Variants in MGAT5 observed in about 807,000 individuals in gnomAD.
The protein encoded by MGAT5 is alpha-1,6-mannosylglycoprotein 6-beta-N-acetylglucosaminyltransferase, also known as alpha-1,6-mannosylglycoprotein 6-beta-N-acetylglucosaminyltransferase A.
Under a neutral mutation model 94.3 loss-of-function variants are expected in MGAT5, and 30 were observed. The ratio of observed to expected loss-of-function variants is 0.32; its 90% confidence interval spans 0.24 to 0.43. The LOEUF (loss-of-function observed/expected upper bound fraction) is 0.43, where lower values mean the gene tolerates loss of function less well. Among genes scored for constraint, MGAT5 ranks in the 20% least tolerant of loss-of-function variants. MGAT5 has a pLI of 1.00. For synonymous variants in MGAT5, 310 were observed against 322.9 expected (o/e 0.96, Z 0.43); for missense variants, 691 against 905.5 (o/e 0.76, Z 3.04).
intron 1 of MGAT5, among the ~76,000 whole-genome samples, chr2:134,144,941 G>C (rs151257775): frequency 1.3e-5 from 2 of 152,176 alleles, no homozygotes; most frequent in African/African-American, 2.4e-5. Flanking sequence ...ATGAGGTCAC[G>C]CTGGCCTGCT....
intron 15 of MGAT5, among the ~76,000 whole-genome samples, chr2:134,442,957 T>G (rs1247503299): frequency 6.6e-6 from 1 of 152,056 alleles, no homozygotes; most frequent in Non-Finnish European, 1.5e-5. Context: ...GGAAGTGGAG[T>G]GGACCTGGGG....
intron 4 of MGAT5, among the ~76,000 whole-genome samples, chr2:134,331,933 A>G (rs1276868814): frequency 2.6e-5 from 4 of 151,786 alleles, no homozygotes; most frequent in African/African-American, 9.7e-5. Context: ...AACAAATGGA[A>G]GAACATTCCA....
intron 2 of MGAT5, among the ~76,000 whole-genome samples, chr2:134,294,296 T>A (rs1685544186): frequency 6.6e-6 from 1 of 152,216 alleles, no homozygotes. Context: ...TCAGTGTTTT[T>A]ATTTTTATTT....
chr2:134,445,716 A>AAG (rs1207159682), intron 15 of MGAT5, among the ~76,000 whole-genome samples: 1 of 152,316 alleles, frequency 6.6e-6, no homozygotes, highest in Admixed American at 6.5e-5. Flanking sequence ...AAAGGAAAGG[A>AAG]AGATGGCACA....
intron 2 of MGAT5, among the ~76,000 whole-genome samples, chr2:134,314,369 G>A (rs1161448279): frequency 1.3e-5 from 2 of 152,204 alleles, no homozygotes; most frequent in African/African-American, 4.8e-5. Flanking sequence ...AAGAGGAAAG[G>A]CCCTGGCCTG....
At chr2:134,190,712 A>G (rs866634993) in intron 1 of MGAT5, among the ~76,000 whole-genome samples, 16 of 152,080 alleles carry the variant, frequency 1.1e-4, no homozygotes, top group Admixed American at 7.2e-4. Context: ...GGCATGATCC[A>G]TGGAACACTG....
At chr2:134,353,720 C>A (rs923307786) in intron 9 of MGAT5, among the ~76,000 whole-genome samples, 1 of 152,120 alleles carries the variant, frequency 6.6e-6, no homozygotes, top group African/African-American at 2.4e-5. Context: ...GACAGCAGAG[C>A]AAAACAGTCA....
intron 14 of MGAT5, among the ~76,000 whole-genome samples, chr2:134,434,716 G>A (rs1685075044): frequency 6.6e-6 from 1 of 152,060 alleles, no homozygotes; most frequent in African/African-American, 2.4e-5. Context: ...CTATCTCCTG[G>A]AAGCCTTCTC....
intron 2 of MGAT5, among the ~76,000 whole-genome samples, chr2:134,317,035 C>T (rs565610643): frequency 6.6e-6 from 1 of 151,456 alleles, no homozygotes; most frequent in Non-Finnish European, 1.5e-5. Context: ...GGTGTAGATA[C>T]GTCTCATGGC....
At chr2:134,165,188 A>G (rs1487929903) in intron 1 of MGAT5, among the ~76,000 whole-genome samples, 1 of 152,236 alleles carries the variant, frequency 6.6e-6, no homozygotes, top group South Asian at 2.1e-4. Context: ...ACCACACGTC[A>G]TAAGTGGCTT....
chr2:134,298,512 AG>A (rs1443267308), intron 2 of MGAT5, among the ~76,000 whole-genome samples: 1 of 152,212 alleles, frequency 6.6e-6, no homozygotes, highest in Non-Finnish European at 1.5e-5. Flanking sequence ...TCCACTCCTA[AG>A]AATGATCAGC....
intron 5 of MGAT5, among the ~76,000 whole-genome samples, chr2:134,337,869 A>T (rs1419958443): frequency 6.6e-6 from 1 of 152,028 alleles, no homozygotes; most frequent in Non-Finnish European, 1.5e-5. Flanking sequence ...GCCTGCTAAG[A>T]ATTGACTTCA....
At chr2:134,383,929 T>C (rs924595848) in intron 10 of MGAT5, among the ~76,000 whole-genome samples, 7 of 152,128 alleles carry the variant, frequency 4.6e-5, no homozygotes, top group Non-Finnish European at 1.0e-4. Flanking sequence ...ACCGCCTGCC[T>C]CGGCCTCCCA....
intron 2 of MGAT5, among the ~76,000 whole-genome samples, chr2:134,287,590 C>A (rs2105755885): frequency 6.6e-6 from 1 of 152,320 alleles, no homozygotes; most frequent in Non-Finnish European, 1.5e-5. Flanking sequence ...CTATTTCAGT[C>A]TTTTCTCTTC....
chr2:134,191,456 CT>C (rs1194884035), intron 1 of MGAT5, among the ~76,000 whole-genome samples: 4 of 152,162 alleles, frequency 2.6e-5, no homozygotes, highest in South Asian at 4.1e-4. Context: ...CCCCCTCCCC[CT>C]ACCCCCCCCA....
At chr2:134,404,940 C>T (rs1574029284) in intron 11 of MGAT5, among the ~76,000 whole-genome samples, 1 of 152,180 alleles carries the variant, frequency 6.6e-6, no homozygotes, top group African/African-American at 2.4e-5. Context: ...TGCCATTTGC[C>T]TCATTTTACT....
At chr2:134,196,446 C>G (rs113250544) in intron 1 of MGAT5, among the ~76,000 whole-genome samples, 1 of 151,240 alleles carries the variant, frequency 6.6e-6, no homozygotes, top group East Asian at 1.9e-4. Flanking sequence ...TTTTAAAACA[C>G]TCTTTAAAAT....
At chr2:134,380,677 T>G (rs1335816418) in intron 10 of MGAT5, among the ~76,000 whole-genome samples, 4 of 152,316 alleles carry the variant, frequency 2.6e-5, no homozygotes, top group Admixed American at 2.6e-4. Flanking sequence ...ATATCTTAAT[T>G]TAGTATTACT....
chr2:134,405,262 C>T (rs958910128), intron 11 of MGAT5, among the ~76,000 whole-genome samples: 1 of 152,200 alleles, frequency 6.6e-6, no homozygotes, highest in African/African-American at 2.4e-5. Context: ...AGTTAAAGAG[C>T]ACGAGGGGTG....
Sources: allele counts gnomAD v4.1 joint callset (sites outside exome capture counted in the v4.1 genomes callset), GRCh38; gene constraint gnomAD v4.1.1; transcripts MANE v1.5; gene names NCBI Gene and HGNC (gene_info 2026-07-23, HGNC 2026-07-21).